Variants in DAPK2 observed in about 807,000 individuals in gnomAD.
The protein encoded by DAPK2 is death associated protein kinase 2.
Under a neutral mutation model 44.1 loss-of-function variants are expected in DAPK2, and 35 were observed. The ratio of observed to expected loss-of-function variants is 0.79; its 90% CI spans 0.61 to 1.05. DAPK2 has a LOEUF of 1.05. DAPK2 is among the 50% of genes least tolerant of loss of function. DAPK2 has a pLI of 0.00. For missense variants in DAPK2, 453 were observed against 483.2 expected, an observed-to-expected ratio of 0.94 and a Z score of 0.59; for synonymous variants, 174 against 182.6, an observed-to-expected ratio of 0.95 and a Z score of 0.38.
intron 4 of DAPK2, among the ~76,000 whole-genome samples, chr15:63,933,920 A>G (rs2077052551): frequency 6.6e-6 from 1 of 152,020 alleles, no homozygotes; most frequent in Non-Finnish European, 1.5e-5. Context: ...AGCTTTCATC[A>G]TAGATTGAGA....
Position 63,930,375 on chromosome 15 carries a change from G to A in DAPK2, c.632+32C>T, listed in dbSNP as rs201229594. ...GAGGCCTTCCGCCCTTGGAAGGATC[G>A]CTAGGTCACCTGAGTGGCCTATCCA... is the stretch of plus-strand genomic sequence containing the variant. On this transcript the variant is annotated intron_variant, in intron 5 of 10. Transcript: ENST00000261891. 5.0e-5 allele frequency: 81 copies of A among 1,611,584 alleles called. No individual in the cohort carries two copies. The African/African-American group carries it at 6.5e-4, about 13-fold the overall frequency.
At chr15:63,994,556 G>A (rs2078901253) in intron 1 of DAPK2, among the ~76,000 whole-genome samples, 1 of 144,920 alleles carries the variant, frequency 6.9e-6, no homozygotes. Context: ...CCCCTCAGAT[G>A]TTTTTCAGCA....
rs575071200 is a variant in DAPK2 at position 63,980,810 on chromosome 15, C to T, written c.314+2723G>A. ...TGGGACCTTTAAGACGTGATTGGGT[C>T]GGGGTGCGGTGGCTCACGCCTGTAA... On this transcript the variant is annotated intron_variant, in intron 2 of 10. Transcript: ENST00000261891. The surrounding 1 kb of genome is among the most constrained non-coding windows in gnomAD (Gnocchi z 4.3). Among the ~76,000 whole-genome samples, 6 of 152,136 alleles carry T rather than the reference C, an allele frequency of 3.9e-5. No homozygotes were observed. The highest frequency in any genetic ancestry group is 9.6e-5 in the African/African-American group (4 of 41,524).
At chr15:63,967,434 C>T (rs1005146424) in intron 3 of DAPK2, among the ~76,000 whole-genome samples, 44 of 152,050 alleles carry the variant, frequency 2.9e-4, no homozygotes, top group African/African-American at 1.0e-3. Context: ...GCCTATGATC[C>T]CAGCACTTTG....
chr15:63,985,476 G>C (rs912821967), intron 1 of DAPK2, among the ~76,000 whole-genome samples: 1 of 152,200 alleles, frequency 6.6e-6, no homozygotes, highest in African/African-American at 2.4e-5. Flanking sequence ...CTGAGTCTCA[G>C]TGTCAAGGCA....
At position 63,916,436 on chromosome 15, in the gene DAPK2, C is replaced by G. The variant is rs1010318163; in HGVS notation, c.859-4239G>C. The G allele has an allele frequency of 2.0e-5, 3 of 152,550 alleles. No homozygotes were observed. Among genetic ancestry groups the G allele is most frequent in the Admixed American group, 6.5e-5 (1 of 15,294 alleles). 9.4% of individuals were successfully genotyped at this position (152,550 alleles called of 1,614,324 possible). ...TTACTCCAGTGAAAGCCAGGGCACT[C>G]TCACACCCACTTCTCTCCTGCCCAG... On this transcript the variant is annotated intron_variant, in intron 8 of 10. Coordinates refer to ENST00000261891, the Ensembl canonical transcript of DAPK2. The surrounding 1 kb of genome is among the most constrained non-coding windows in gnomAD (Gnocchi z 4.7).
chr15:63,955,573 T>C (rs896772311), intron 3 of DAPK2, among the ~76,000 whole-genome samples: 10 of 152,284 alleles, frequency 6.6e-5, no homozygotes, highest in Middle Eastern at 3.4e-3. Flanking sequence ...TTGTTGTTGT[T>C]GTCGTCATTG....
chr15:63,914,001 G>A (rs1406616734), intron 8 of DAPK2, among the ~76,000 whole-genome samples: 1 of 152,092 alleles, frequency 6.6e-6, no homozygotes, highest in East Asian at 1.9e-4. Context: ...TCCCAACCCG[G>A]GACCTACAAC....
At chr15:63,956,457 A>G (rs1252488274) in intron 3 of DAPK2, among the ~76,000 whole-genome samples, 1 of 152,004 alleles carries the variant, frequency 6.6e-6, no homozygotes, top group African/African-American at 2.4e-5. Context: ...AATTTCTTCA[A>G]TAGCCCACTG....
At chr15:64,040,072 C>T (rs1379310823) in intron 1 of DAPK2, 98 bp downstream of exon 2, 6 of 916,068 alleles carry the variant, frequency 6.5e-6, no homozygotes, top group Non-Finnish European at 5.4e-6. Flanking sequence ...TCCCACTGGT[C>T]CTGTGGCCCT....
chr15:63,975,408 C>G (rs973440252), intron 2 of DAPK2, among the ~76,000 whole-genome samples: 15 of 152,134 alleles, frequency 9.9e-5, no homozygotes, highest in Admixed American at 9.8e-4. Flanking sequence ...CACATTATCT[C>G]ATTTAATCAT....
At chr15:63,914,888 C>CG (rs1159979921) in intron 8 of DAPK2, among the ~76,000 whole-genome samples, 1 of 152,170 alleles carries the variant, frequency 6.6e-6, no homozygotes, top group African/African-American at 2.4e-5. Context: ...TTCACTATGC[C>CG]GGGGCACTAA....
At chr15:63,992,470 C>T (rs1475396652) in intron 1 of DAPK2, among the ~76,000 whole-genome samples, 1 of 152,156 alleles carries the variant, frequency 6.6e-6, no homozygotes, top group Non-Finnish European at 1.5e-5. Flanking sequence ...AAACAAGACA[C>T]ACCTCACAAC....
chr15:63,954,485 C>T (rs1482670406), intron 3 of DAPK2, among the ~76,000 whole-genome samples: 8 of 152,126 alleles, frequency 5.3e-5, no homozygotes, highest in Non-Finnish European at 2.9e-5. Flanking sequence ...TCTGAGTTCT[C>T]TACTCTGTTT....
At position 64,040,097 on chromosome 15, in the gene DAPK2, A is replaced by C. The variant is rs201977296; in HGVS notation, c.92+73T>G. On this transcript the variant is annotated intron_variant, in intron 1 of 10. Transcript: ENST00000261891. ...CCTGTGGCCCTGCCTTCCAACACCA[A>C]CTGACAACTGTGCCAGAAGAAGCAT... 8 of 1,239,444 alleles carry C rather than the reference A, an allele frequency of 6.5e-6. No individual in the cohort carries two copies. In the East Asian group the frequency reaches 1.9e-4, roughly 29 times the overall value. 76.8% of individuals were successfully genotyped at this position (1,239,444 alleles called of 1,614,324 possible).
chr15:64,005,107 C>T (rs1415141890), intron 1 of DAPK2, among the ~76,000 whole-genome samples: 1 of 152,042 alleles, frequency 6.6e-6, no homozygotes, highest in Non-Finnish European at 1.5e-5. Context: ...TGGCCTCAGG[C>T]CCCCACTTCA....
At chr15:63,929,600 G>C in intron 5 of DAPK2, 23 bp from the exon 7 acceptor site, 1 of 1,613,906 alleles carries the variant, frequency 6.2e-7, no homozygotes, top group South Asian at 1.1e-5. Context: ...GAACAGTCAA[G>C]TCAGGGCCAC....
chr15:64,029,453 C>T (rs1252712325), intron 1 of DAPK2, among the ~76,000 whole-genome samples: 9 of 152,138 alleles, frequency 5.9e-5, no homozygotes, highest in African/African-American at 2.2e-4. Context: ...GAGCCCTCAC[C>T]CTTGAGGTAG....
At chr15:63,948,156 A>G (rs1832213449) in intron 3 of DAPK2, among the ~76,000 whole-genome samples, 1 of 150,332 alleles carries the variant, frequency 6.7e-6, no homozygotes, top group Admixed American at 6.7e-5. Context: ...CTGTAATCCC[A>G]GCTACTTCAG....
Sources: allele counts gnomAD v4.1 joint callset (sites outside exome capture counted in the v4.1 genomes callset), GRCh38; gene constraint gnomAD v4.1.1; non-coding constraint Gnocchi (gnomAD v3.1); transcripts MANE v1.5; gene names NCBI Gene and HGNC (gene_info 2026-07-23, HGNC 2026-07-21).